The following SLC1A4 variants were observed in gnomAD, a reference collection of about 807,000 sequenced individuals.
SLC1A4 encodes the protein solute carrier family 1 member 4, also known as neutral amino acid transporter A.
In SLC1A4, 19 loss-of-function variants were observed where a neutral mutation model predicts 37.7. The observed-to-expected ratio is 0.50, with a 90% CI of 0.35 to 0.74. The LOEUF (loss-of-function observed/expected upper bound fraction) is 0.74, where lower values mean the gene tolerates loss of function less well. SLC1A4 is among the 30% of genes least tolerant of loss of function. The pLI is 0.01. For missense variants in SLC1A4, 570 were observed against 712.9 expected, an observed-to-expected ratio of 0.80 and a Z score of 2.28; for synonymous variants, 299 against 309.8, an observed-to-expected ratio of 0.97 and a Z score of 0.37.
intron 2 of SLC1A4, among the ~76,000 whole-genome samples, chr2:65,001,850 C>CA (rs1673471370): frequency 1.3e-5 from 2 of 151,834 alleles, no homozygotes; most frequent in East Asian, 1.9e-4. Context: ...GTGCTCACTG[C>CA]AAAAAAATAA....
intron 2 of SLC1A4, among the ~76,000 whole-genome samples, chr2:65,002,698 CT>C (rs1274276836): frequency 1.3e-5 from 2 of 151,470 alleles, no homozygotes; most frequent in African/African-American, 4.9e-5. Flanking sequence ...CTGCCTCAGC[CT>C]TCCAAGTAGC....
chr2:65,009,535 A>G (rs73934899), intron 3 of SLC1A4, among the ~76,000 whole-genome samples: 6,408 of 152,310 alleles, frequency 0.042, 435 homozygotes, highest in African/African-American at 0.15. Context: ...TCTCCAGTTA[A>G]TTTGGAAATT....
At chr2:65,007,326 G>A (rs905818013) in intron 3 of SLC1A4, among the ~76,000 whole-genome samples, 2 of 152,080 alleles carry the variant, frequency 1.3e-5, no homozygotes, top group African/African-American at 4.8e-5. Context: ...GGGTGGCCAG[G>A]GAGGTCTTCT....
chr2:65,016,499 T>C lies in SLC1A4; in HGVS notation c.860T>C (p.Ile287Thr). 1.9e-6 allele frequency: 3 copies of C among 1,614,198 alleles called. No individual in the cohort carries two copies. Among genetic ancestry groups the C allele is most frequent in the South Asian group, 2.2e-5 (2 of 91,088 alleles). The change falls in exon 5 of 8, where the codon ATC becomes ACC. Residue 287 changes from isoleucine (I) to threonine (T), a missense_variant. Physicochemically the swap from Ile to Thr is moderately conservative, Grantham distance 89. Transcript: ENST00000234256. ...VGSKIVEMKD[I>T]IVLVTSLGKY... is the part of the protein sequence containing the mutation. ...AGCAAGATCGTGGAAATGAAAGACATCATCGTGCTGGTGACCAGCCTGGGG... is the reference window on the plus strand; with the variant it reads ...AGCAAGATCGTGGAAATGAAAGACACCATCGTGCTGGTGACCAGCCTGGGG...
intron 4 of SLC1A4, among the ~76,000 whole-genome samples, chr2:65,012,645 A>G (rs1021698068): frequency 1.3e-5 from 2 of 152,166 alleles, no homozygotes; most frequent in Admixed American, 1.3e-4. Context: ...CTAGGGAGAG[A>G]ACTGATATTT....
At position 65,021,193 on chromosome 2, in the gene SLC1A4, G is replaced by T. The variant is rs1416200486; in HGVS notation, c.*47G>T. ...CCTGCCAGCAGTGATGTCCCACCCT[G>T]TTCACCCAGCCGCCAGTCATGGACA... On this transcript the variant is annotated 3_prime_UTR_variant, in exon 8 of 8. Transcript: ENST00000234256. 1 of 1,484,458 alleles carries T rather than the reference G, an allele frequency of 6.7e-7. No individual in the cohort carries two copies. The highest frequency in any genetic ancestry group is 2.3e-5 in the East Asian group (1 of 44,042). 92.0% of individuals were successfully genotyped at this position (1,484,458 alleles called of 1,614,324 possible).
At chr2:65,020,673 G>A (rs1301150100) in intron 7 of SLC1A4, among the ~76,000 whole-genome samples, 2 of 152,190 alleles carry the variant, frequency 1.3e-5, no homozygotes, top group Admixed American at 6.5e-5. Flanking sequence ...CTCAGTTGGG[G>A]ACTAGGGGTG....
chr2:65,015,433 T>C (rs918389011), intron 4 of SLC1A4, among the ~76,000 whole-genome samples: 2 of 150,802 alleles, frequency 1.3e-5, no homozygotes, highest in African/African-American at 4.8e-5. Flanking sequence ...ACACATAGAT[T>C]TAAATACATA....
intron 3 of SLC1A4, among the ~76,000 whole-genome samples, chr2:65,007,458 T>C (rs540735345): frequency 9.9e-5 from 15 of 152,174 alleles, no homozygotes; most frequent in Non-Finnish European, 2.1e-4. Context: ...TGTAGTCCCC[T>C]AGCCCCATTC....
chr2:64,999,449 T>C (rs774643790), intron 1 of SLC1A4: 4 of 152,356 alleles, frequency 2.6e-5, no homozygotes, highest in Non-Finnish European at 4.4e-5. Flanking sequence ...TGTTGGCTGA[T>C]ACATTGCTGC....
At chr2:64,991,076 C>T (rs1285745485) in intron 1 of SLC1A4, among the ~76,000 whole-genome samples, 1 of 152,166 alleles carries the variant, frequency 6.6e-6, no homozygotes, top group African/African-American at 2.4e-5. Context: ...CAGCTGGCTC[C>T]TTCTCCAGAT....
At chr2:65,013,430 C>A (rs942189801) in intron 4 of SLC1A4, among the ~76,000 whole-genome samples, 1 of 152,212 alleles carries the variant, frequency 6.6e-6, no homozygotes, top group African/African-American at 2.4e-5. Flanking sequence ...CCATGTTGGT[C>A]AGGCTGGTCC....
At position 65,023,279 on chromosome 2, in the gene SLC1A4, T is replaced by A. The variant is rs928108242; in HGVS notation, c.*2133T>A. The A allele has an allele frequency of 6.6e-6, 1 of 151,964 alleles. No homozygotes were observed. The highest frequency in any genetic ancestry group is 1.5e-5 in the Non-Finnish European group (1 of 68,016). The allele number at this position is 151,964 out of a possible 1,614,324, so 9.4% of individuals were successfully genotyped here. A position where few individuals can be genotyped will look rare whatever the true frequency, so the allele number is the denominator to read the frequency against. ...ATCTTTTTTTCTTCCTTCATATATA[T>A]ATACACAACACACACACACATATGT... is the stretch of plus-strand genomic sequence containing the variant. On this transcript the variant is annotated 3_prime_UTR_variant, in exon 8 of 8. Transcript: ENST00000234256.
intron 1 of SLC1A4, chr2:65,000,094 A>G (rs1021364509): frequency 6.6e-6 from 1 of 152,200 alleles, no homozygotes; most frequent in Non-Finnish European, 1.5e-5. Flanking sequence ...AGTAAGAATT[A>G]GTGGATAAGT....
At chr2:65,010,785 A>ACT in intron 4 of SLC1A4, 22 bp downstream of exon 4, 1 of 1,597,014 alleles carries the variant, frequency 6.3e-7, no homozygotes. Context: ...TTTGCTGCCT[A>ACT]CTCTCTCTCT....
chr2:65,015,466 A>C (rs1288927643), intron 4 of SLC1A4, among the ~76,000 whole-genome samples: 1 of 152,238 alleles, frequency 6.6e-6, no homozygotes, highest in African/African-American at 2.4e-5. Context: ...ATTGCATAGG[A>C]GGTAGGAGTG....
chr2:65,010,920 G>A (rs529402041), intron 4 of SLC1A4, among the ~76,000 whole-genome samples, 157 bp downstream of exon 4: 1 of 152,286 alleles, frequency 6.6e-6, no homozygotes, highest in African/African-American at 2.4e-5. Context: ...GGGGATGATG[G>A]AAGTGGAGAC....
In SLC1A4 at chr2:65,023,318, C is replaced by CGTGTGTT. The variant is rs142356126; in HGVS notation, c.*2172_*2173insGTGTGTT. The CGTGTGTT allele has an allele frequency of 0.081, 8,846 of 109,760 alleles. 344 individuals are homozygous for CGTGTGTT. Among genetic ancestry groups the CGTGTGTT allele is most frequent in the Non-Finnish European group, 0.1 (5,736 of 55,722 alleles). 6.8% of individuals were successfully genotyped at this position (109,760 alleles called of 1,614,324 possible). A position where few individuals can be genotyped will look rare whatever the true frequency, so the allele number is the denominator to read the frequency against. ...ACACACATATGTATATCTATACACA[C>CGTGTGTT]ATGTGTGTTGTGTATATGCATGTGT... On this transcript the variant is annotated 3_prime_UTR_variant, in exon 8 of 8. Coordinates refer to ENST00000234256, the MANE Select transcript of SLC1A4 (RefSeq NM_003038.5).
At chr2:64,998,683 T>G (rs1303254023) in intron 1 of SLC1A4, among the ~76,000 whole-genome samples, 2 of 151,982 alleles carry the variant, frequency 1.3e-5, no homozygotes, top group East Asian at 3.9e-4. Context: ...CTGTTCTGGG[T>G]GAGATGTTAC....
Sources: gnomAD v4.1 joint callset for allele counts (sites outside exome capture counted in the v4.1 genomes callset) on GRCh38, gnomAD v4.1.1 for gene constraint, MANE v1.5 for transcripts, NCBI Gene and HGNC (gene_info 2026-07-23, HGNC 2026-07-21) for gene names.